The following ACOT7 variants were observed in gnomAD, a reference collection of about 807,000 sequenced individuals.
The protein encoded by ACOT7 is acyl-CoA thioesterase 7, also known as cytosolic acyl coenzyme A thioester hydrolase.
Under a neutral mutation model 40.2 loss-of-function variants are expected in ACOT7, and 12 were observed. The observed-to-expected ratio is 0.30, with a 90% CI of 0.19 to 0.48. The LOEUF is 0.48. Ranked by LOEUF, ACOT7 falls within the 20% of genes least tolerant of loss-of-function variation. The pLI is 0.99. For synonymous variants in ACOT7, 228 were observed against 219.5 expected (o/e 1.04, Z -0.34); for missense variants, 395 against 530.8 (o/e 0.74, Z 2.51).
chr1:6,298,577 C>T (rs979409170), intron 6 of ACOT7, among the ~76,000 whole-genome samples: 3 of 152,160 alleles, frequency 2.0e-5, no homozygotes, highest in South Asian at 2.1e-4. Context: ...TCCTAGGCAG[C>T]GGATTTTCTC....
Position 6,393,241 on chromosome 1 carries a change from G to A in ACOT7, c.143+16C>T, listed in dbSNP as rs1642564499. 1.6e-6 allele frequency: 2 copies of A among 1,275,156 alleles called. No individual in the cohort carries two copies. The highest frequency in any genetic ancestry group is 5.8e-5 in the East Asian group (2 of 34,550). The allele number at this position is 1,275,156 out of a possible 1,614,324, so 79.0% of individuals were successfully genotyped here. A position where few individuals can be genotyped will look rare whatever the true frequency, so the allele number is the denominator to read the frequency against. On this transcript the variant is annotated intron_variant, in intron 1 of 8. Coordinates refer to ENST00000361521, the MANE Select transcript of ACOT7 (RefSeq NM_007274.4). ...CGCGCCTGGCCGCTGCAGGCTGCGC[G>A]CGGGCCCTCTCTTACCGGCAGATCT... is the stretch of plus-strand genomic sequence containing the variant.
chr1:6,348,000 C>T (rs742505), intron 2 of ACOT7, among the ~76,000 whole-genome samples: 12,288 of 152,066 alleles, frequency 0.081, 1,151 homozygotes, highest in African/African-American at 0.23. Flanking sequence ...TGTCCATGCT[C>T]TCCTGCCAGG....
rs201223176 is a variant in ACOT7 at position 6,333,514 on chromosome 1, T to A, written c.473A>T (p.Lys158Met). 6.2e-7 allele frequency: 1 copy of A among 1,614,252 alleles called. No individual in the cohort carries two copies. Among genetic ancestry groups the A allele is most frequent in the Non-Finnish European group, 8.5e-7 (1 of 1,180,042 alleles). The change falls in exon 4 of 9, where the codon AAG becomes ATG. Residue 158 changes from lysine to methionine, a missense_variant. This residue lies in a region of ACOT7 where 309 missense variants were observed against 470.3 expected (regional missense o/e 0.66). Coordinates refer to ENST00000361521, the MANE Select transcript of ACOT7 (RefSeq NM_007274.4). The stretch of plus-strand genomic sequence containing the variant: ...CACCTCGAGGACCTTGTCCACATTC[T>A]TCAGCGACAGGGGCACATACCACAG... ...ATLWYVPLSLKNVDKVLEVPP... is the reference protein window; with the variant it reads ...ATLWYVPLSLMNVDKVLEVPP...
chr1:6,393,578 G>A lies in ACOT7; in HGVS notation c.-179C>T. On this transcript the variant is annotated 5_prime_UTR_variant, in exon 1 of 9. Transcript: ENST00000361521. ...CGCGGGCGTACGATTCTGGCGGCGT[G>A]GGGGCCCAGGCAGCCGCCGCTTCCA... The A allele has an allele frequency of 2.1e-6, 1 of 477,034 alleles. No homozygotes were observed. Among genetic ancestry groups the A allele is most frequent in the Non-Finnish European group, 3.2e-6 (1 of 315,370 alleles). The allele number at this position is 477,034 out of a possible 1,614,324, so 29.6% of individuals were successfully genotyped here.
chr1:6,365,023 C>CAA (rs200329900), intron 1 of ACOT7, among the ~76,000 whole-genome samples: 2 of 140,752 alleles, frequency 1.4e-5, no homozygotes, highest in Admixed American at 7.2e-5. Flanking sequence ...GACTCCGTCT[C>CAA]AAAAAAAAAA....
chr1:6,291,744 G>A (rs1283454655), intron 7 of ACOT7, among the ~76,000 whole-genome samples: 2 of 152,096 alleles, frequency 1.3e-5, no homozygotes, highest in Admixed American at 6.5e-5. Context: ...TGTGGGGCTC[G>A]AGGGTGTACA....
chr1:6,373,673 T>A (rs1642174743), intron 1 of ACOT7, among the ~76,000 whole-genome samples: 1 of 151,724 alleles, frequency 6.6e-6, no homozygotes, highest in Admixed American at 6.6e-5. Context: ...GAGACCAGCC[T>A]GACCAACATG....
At chr1:6,360,732 C>A in intron 1 of ACOT7, 2 of 1,603,762 alleles carry the variant, frequency 1.2e-6, no homozygotes, top group South Asian at 2.2e-5. Flanking sequence ...GGCCCCAATA[C>A]TGTGCCCTTT....
intron 8 of ACOT7, among the ~76,000 whole-genome samples, chr1:6,277,539 C>G (rs1035198805): frequency 4.6e-5 from 7 of 152,256 alleles, no homozygotes; most frequent in Non-Finnish European, 1.0e-4. Flanking sequence ...CCAGCCCTGC[C>G]CCGTCCTAGC....
At chr1:6,354,534 G>A (rs1422043991) in intron 1 of ACOT7, among the ~76,000 whole-genome samples, 1 of 152,230 alleles carries the variant, frequency 6.6e-6, no homozygotes, top group Middle Eastern at 3.2e-3. Flanking sequence ...ATCCTGAAAG[G>A]AGGGGAGGCT....
At chr1:6,339,337 G>A in intron 3 of ACOT7, 96 bp downstream of exon 3, 1 of 1,554,596 alleles carries the variant, frequency 6.4e-7, no homozygotes, top group Non-Finnish European at 8.8e-7. Flanking sequence ...GTGGAAAAGG[G>A]GCCAGGCCCT....
At chr1:6,328,000 T>C (rs545171614) in intron 4 of ACOT7, among the ~76,000 whole-genome samples, 1 of 152,190 alleles carries the variant, frequency 6.6e-6, no homozygotes, top group South Asian at 2.1e-4. Context: ...TCTTGATCTC[T>C]TGACCTTGCG....
At chr1:6,310,964 C>T (rs538879420) in intron 6 of ACOT7, among the ~76,000 whole-genome samples, 1 of 152,288 alleles carries the variant, frequency 6.6e-6, no homozygotes, top group East Asian at 1.9e-4. Flanking sequence ...TCTTGAACTC[C>T]TGACCTCAAG....
chr1:6,288,722 G>A lies in ACOT7; in HGVS notation c.829+6142C>T, dbSNP rs923305221. Among the ~76,000 whole-genome samples the A allele has an allele frequency of 1.5e-4, 23 of 152,336 alleles. No homozygotes were observed. Among genetic ancestry groups the A allele is most frequent in the African/African-American group, 4.1e-4 (17 of 41,586 alleles). ...TTGCAGCCAACAGAGCTGGGCCCAC[G>A]GCAGGGTGGCAGTGGCCTCCATGGC... On this transcript the variant is annotated intron_variant, in intron 7 of 8. Coordinates refer to ENST00000361521, the MANE Select transcript of ACOT7 (RefSeq NM_007274.4). The surrounding 1 kb of genome is among the most constrained non-coding windows in gnomAD (Gnocchi z 4.3).
intron 6 of ACOT7, among the ~76,000 whole-genome samples, chr1:6,308,792 A>AGGAAAAGCGACTGGGTGGAG (rs1640246090): frequency 7.5e-6 from 1 of 134,170 alleles, no homozygotes; most frequent in Non-Finnish European, 1.6e-5. Flanking sequence ...ACTGGATGGA[A>AGGAAAAGCGACTGGGTGGAG]GGAAAAGCGA....
In ACOT7 at chr1:6,377,219, T is replaced by C. The variant is rs549222871; in HGVS notation, c.143+16038A>G. On this transcript the variant is annotated intron_variant, in intron 1 of 8. Coordinates refer to ENST00000361521, the MANE Select transcript of ACOT7 (RefSeq NM_007274.4). ...GTACTCTTCAATTAAATCAATCCTA[T>C]ATTCCATTAAAGACATTAAAAAAAT... is the stretch of plus-strand genomic sequence containing the variant. 7.9e-5 allele frequency among the ~76,000 whole-genome samples: 12 copies of C among 152,090 alleles called. No individual in the cohort carries two copies. In the South Asian group the frequency reaches 2.3e-3, roughly 29 times the overall value.
chr1:6,367,960 G>C (rs1263286931), intron 1 of ACOT7, among the ~76,000 whole-genome samples: 1 of 152,212 alleles, frequency 6.6e-6, no homozygotes, highest in African/African-American at 2.4e-5. Context: ...TCAGCTCTCA[G>C]CAGAGAGGGT....
chr1:6,357,062 A>G (rs60491922), intron 1 of ACOT7, among the ~76,000 whole-genome samples: 10,336 of 151,572 alleles, frequency 0.068, 794 homozygotes, highest in African/African-American at 0.19. Flanking sequence ...ACATGGAGAA[A>G]CCCTGTCTCT....
chr1:6,377,397 G>A (rs1364966301), intron 1 of ACOT7, among the ~76,000 whole-genome samples: 1 of 152,086 alleles, frequency 6.6e-6, no homozygotes, highest in African/African-American at 2.4e-5. Context: ...AATACATTAT[G>A]TAAAAACTTA....
Sources: allele counts gnomAD v4.1 joint callset (sites outside exome capture counted in the v4.1 genomes callset), GRCh38; gene constraint gnomAD v4.1.1; regional missense constraint gnomAD v4.1.1; non-coding constraint Gnocchi (gnomAD v3.1); transcripts MANE v1.5; gene names NCBI Gene and HGNC (gene_info 2026-07-23, HGNC 2026-07-21).